NKIRAS2: variants seen among roughly 807,000 people sequenced by gnomAD.
NKIRAS2 encodes NF-kappa-B inhibitor-interacting Ras-like protein 2.
A neutral mutation model predicts 20.7 loss-of-function variants in NKIRAS2; 15 were observed. The observed-to-expected ratio is 0.73, with a 90% CI of 0.49 to 1.12. The LOEUF is 1.12. NKIRAS2 is among the 50% of genes most tolerant of loss of function. The pLI is 0.00. For missense variants in NKIRAS2, 196 were observed against 249.6 expected (o/e 0.79, Z 1.45); for synonymous variants, 116 against 101.4 (o/e 1.14, Z -0.87).
upstream of NKIRAS2, among the ~76,000 whole-genome samples, chr17:42,018,279 ACTGT>A (rs566622014): frequency 2.7e-4 from 41 of 152,260 alleles, no homozygotes; most frequent in Middle Eastern, 0.01. Flanking sequence ...GCACAGTTTA[ACTGT>A]CTTTGTTGTT....
chr17:42,021,779 C>G (rs782753681), intron 2 of NKIRAS2, 108 bp downstream of exon 2: 39 of 1,026,410 alleles, frequency 3.8e-5, no homozygotes, highest in Non-Finnish European at 5.7e-5. Context: ...GTTTTCCCCC[C>G]TGGAAGAATA....
intron 1 of NKIRAS2, 94 bp from the exon 2 acceptor site, chr17:42,021,470 T>C: frequency 9.3e-7 from 1 of 1,074,242 alleles, no homozygotes; most frequent in Non-Finnish European, 1.4e-6. Flanking sequence ...TTTTTGGTTT[T>C]TGTTTTTGTC....
Position 42,021,633 on chromosome 17 carries a change from C to G in NKIRAS2, c.56C>G (p.Ser19Ter). 6.2e-7 allele frequency: 1 copy of G among 1,614,126 alleles called. No individual in the cohort carries two copies. The highest frequency in any genetic ancestry group is 8.5e-7 in the Non-Finnish European group (1 of 1,180,016). The part of the protein sequence containing the change: ...VCGQASVGKT[S>*]ILEQLLYGNH... Reference sequence around the variant, plus strand: ...GGCCAGGCGTCTGTGGGCAAAACTTCAATCCTGGAGCAGCTTCTGTATGGG... The same window carrying G: ...GGCCAGGCGTCTGTGGGCAAAACTTGAATCCTGGAGCAGCTTCTGTATGGG... Residue 19 changes from serine (S) to a stop codon, truncating the protein, a stop_gained, in exon 2 of 4, where the codon TCA becomes TGA. Transcript: ENST00000393885. LOFTEE classifies it high-confidence loss of function.
At chr17:42,023,376 C>T (rs2052504254) in intron 3 of NKIRAS2, among the ~76,000 whole-genome samples, 1 of 152,130 alleles carries the variant, frequency 6.6e-6, no homozygotes, top group Admixed American at 6.6e-5. Flanking sequence ...GTTGTTGAGC[C>T]AGAAACTGAC....
chr17:42,022,625 C>G lies in NKIRAS2; in HGVS notation c.321C>G (p.Ser107=), dbSNP rs782814820. Residue 107 remains serine, a synonymous_variant, in exon 3 of 4, where the codon TCC becomes TCG. Transcript: ENST00000393885. ...VELLKKEIDK[S]KDKKEVTIVV... Reference sequence around the variant, plus strand: ...TGCTCAAGAAGGAGATTGACAAATCCAAGGACAAGAAGGAGGTGTGTGGCA... The same window carrying G: ...TGCTCAAGAAGGAGATTGACAAATCGAAGGACAAGAAGGAGGTGTGTGGCA... The G allele has an allele frequency of 5.0e-6, 8 of 1,612,698 alleles. No homozygotes were observed. In the African/African-American group the frequency reaches 1.1e-4, roughly 22 times the overall value.
chr17:42,020,964 T>G (rs1555652881), intron 1 of NKIRAS2: 1 of 153,362 alleles, frequency 6.5e-6, no homozygotes, highest in African/African-American at 2.4e-5. Flanking sequence ...CTCGAACTCC[T>G]GACTTTGTGA....
chr17:42,024,037 C>T lies in NKIRAS2; in HGVS notation c.*144C>T. 2.3e-6 allele frequency: 3 copies of T among 1,294,026 alleles called. No individual in the cohort carries two copies. In the South Asian group the frequency reaches 4.5e-5, roughly 19 times the overall value. The allele number at this position is 1,294,026 out of a possible 1,614,324, so 80.2% of individuals were successfully genotyped here. On this transcript the variant is annotated 3_prime_UTR_variant, in exon 4 of 4. Transcript: ENST00000393885. Reference sequence around the variant, plus strand: ...GCCAGGCCACGCCCCAGCCACTTTGCTCCCTCTCACCTCTGGGAAGTGCAA... The same window carrying T: ...GCCAGGCCACGCCCCAGCCACTTTGTTCCCTCTCACCTCTGGGAAGTGCAA...
rs782352061 is a variant in NKIRAS2 at position 42,022,411 on chromosome 17, T to C, written c.107T>C (p.Ile36Thr). Reference sequence around the variant, plus strand: ...CATTTTATACCAGGTTCGGAGATGATCGAGACGCAGGAGGACATCTACGTG... The same window carrying C: ...CATTTTATACCAGGTTCGGAGATGACCGAGACGCAGGAGGACATCTACGTG... ...YGNHVVGSEM[I>T]ETQEDIYVGS... The change falls in exon 3 of 4, where the codon ATC (isoleucine) becomes ACC (threonine). Residue 36 changes from isoleucine (I) to threonine (T), a missense_variant. Ile to Thr is a moderately conservative substitution (Grantham distance 89, BLOSUM62 -1). Transcript: ENST00000393885. 41 of 1,585,290 alleles carry C rather than the reference T, an allele frequency of 2.6e-5. No individual in the cohort carries two copies. The highest frequency in any genetic ancestry group is 3.4e-5 in the Non-Finnish European group (40 of 1,160,562).
At chr17:42,023,120 C>T in intron 3 of NKIRAS2, 1 of 334,372 alleles carries the variant, frequency 3.0e-6, no homozygotes, top group Non-Finnish European at 6.1e-6. Flanking sequence ...CCTCCTGCCT[C>T]AGCCCCCTGC....
Position 42,022,762 on chromosome 17 carries a change from G to T in NKIRAS2, c.336+122G>T, listed in dbSNP as rs181729361. 2.5e-5 allele frequency: 31 copies of T among 1,229,872 alleles called. 1 individual carries two copies. Among genetic ancestry groups the T allele is most frequent in the Admixed American group, 9.0e-5 (4 of 44,612 alleles). The allele number at this position is 1,229,872 out of a possible 1,614,324, so 76.2% of individuals were successfully genotyped here. ...AAGGTGAGTTAGGAGCCAGAGGTGG[G>T]GTGGAGGCCACTGAGGGTATCTTTA... On this transcript the variant is annotated intron_variant, in intron 3 of 3. Transcript: ENST00000393885.
chr17:42,021,826 A>G (rs1555653086), intron 2 of NKIRAS2, 155 bp downstream of exon 2: 3 of 792,614 alleles, frequency 3.8e-6, no homozygotes, highest in African/African-American at 3.4e-5. Flanking sequence ...TACAACACTG[A>G]ACAAATACGG....
intron 3 of NKIRAS2, chr17:42,023,049 C>G (rs1555653420): frequency 3.1e-6 from 1 of 322,354 alleles, no homozygotes; most frequent in Non-Finnish European, 6.3e-6. Flanking sequence ...GCCACCCAGG[C>G]TGGAGTGCAG....
intron 3 of NKIRAS2, chr17:42,023,285 C>T: frequency 3.7e-6 from 1 of 269,864 alleles, no homozygotes; most frequent in South Asian, 3.7e-5. Flanking sequence ...AGGCGTAAGC[C>T]ACTGCATCTG....
rs35822234 is a variant in NKIRAS2 at position 42,024,390 on chromosome 17, G to A, written c.*497G>A. The A allele has an allele frequency of 1.0e-3, 165 of 162,432 alleles. No homozygotes were observed. The highest frequency in any genetic ancestry group is 3.2e-3 in the Middle Eastern group (1 of 314). 10.1% of individuals were successfully genotyped at this position (162,432 alleles called of 1,614,324 possible). A position where few individuals can be genotyped will look rare whatever the true frequency, so the allele number is the denominator to read the frequency against. On this transcript the variant is annotated 3_prime_UTR_variant, in exon 4 of 4. Coordinates refer to ENST00000393885, the MANE Select transcript of NKIRAS2 (RefSeq NM_017595.6). ...ATATGCTCCTATACTGGCATTAGGC[G>A]TCTCCTCATCCCTCACCCTGACCTT...
intron 1 of NKIRAS2, 93 bp from the exon 2 acceptor site, chr17:42,021,471 T>G: frequency 2.8e-6 from 3 of 1,087,434 alleles, no homozygotes; most frequent in South Asian, 2.6e-5. Context: ...TTTTGGTTTT[T>G]GTTTTTGTCC....
At chr17:42,023,548 C>A in intron 3 of NKIRAS2, 106 bp from the exon 4 acceptor site, 1 of 951,906 alleles carries the variant, frequency 1.1e-6, no homozygotes, top group Non-Finnish European at 1.6e-6. Flanking sequence ...GAGATATCAG[C>A]CATTGAGCTT....
At chr17:42,017,683 G>T (rs2052345065), upstream of NKIRAS2, 3 of 572,614 alleles carry the variant, frequency 5.2e-6, no homozygotes, top group East Asian at 3.0e-5. Context: ...ACCGGTGGTA[G>T]CCTCTCTAGG....
At chr17:42,022,204 C>T (rs561795421) in intron 2 of NKIRAS2, 195 bp from the exon 3 acceptor site, 10 of 599,686 alleles carry the variant, frequency 1.7e-5, no homozygotes, top group South Asian at 1.5e-4. Flanking sequence ...AGCAAAACTC[C>T]GTCTCAAAAA....
In NKIRAS2 at chr17:42,024,329, G is replaced by A; in HGVS notation, c.*436G>A. On this transcript the variant is annotated 3_prime_UTR_variant, in exon 4 of 4. Coordinates refer to ENST00000393885, the MANE Select transcript of NKIRAS2 (RefSeq NM_017595.6). The stretch of plus-strand genomic sequence containing the variant: ...CTGGACTCCAGAAAAAGGGTGTCCA[G>A]GTATTGTGTGTATGCATTTAGTTGT... The A allele has an allele frequency of 4.4e-6, 1 of 225,344 alleles. No individual in the cohort carries two copies. The highest frequency in any genetic ancestry group is 9.0e-6 in the Non-Finnish European group (1 of 110,956). The allele number at this position is 225,344 out of a possible 1,614,324, so 14.0% of individuals were successfully genotyped here. A position where few individuals can be genotyped will look rare whatever the true frequency, so the allele number is the denominator to read the frequency against.
Sources: gnomAD v4.1 joint callset for allele counts (sites outside exome capture counted in the v4.1 genomes callset) on GRCh38, gnomAD v4.1.1 for gene constraint, MANE v1.5 for transcripts, NCBI Gene and HGNC (gene_info 2026-07-23, HGNC 2026-07-21) for gene names.